LMNTD2: variants seen among roughly 807,000 people sequenced by gnomAD.
The protein encoded by LMNTD2 is lamin tail domain containing 2.
In LMNTD2, 83 loss-of-function variants were observed where a neutral mutation model predicts 70.1. The observed-to-expected ratio is 1.18, with a 90% CI of 0.99 to 1.42. The LOEUF is 1.42. LMNTD2 is among the 40% of genes most tolerant of loss of function. LMNTD2 has a pLI of 0.00. For synonymous variants in LMNTD2, 534 were observed against 406.1 expected (o/e 1.31, Z -3.79); for missense variants, 1,153 against 905.9 (o/e 1.27, Z -3.50).
In LMNTD2 at chr11:556,228, C is replaced by T. The variant is rs1471758370; in HGVS notation, c.1221G>A (p.Pro407=). 2.7e-6 allele frequency: 4 copies of T among 1,496,374 alleles called. No homozygotes were observed. Among genetic ancestry groups the T allele is most frequent in the African/African-American group, 2.9e-5 (2 of 69,420 alleles). The allele number at this position is 1,496,374 out of a possible 1,614,324, so 92.7% of individuals were successfully genotyped here. A position where few individuals can be genotyped will look rare whatever the true frequency, so the allele number is the denominator to read the frequency against. ...RGFPERLYRF[P]PGTLLAPRHH... is the part of the protein sequence containing the mutation. ...GCCGCGGGGCCAGCAGCGTGCCCGGCGGGAAGCGGTACAGGCGCTCCGGGA... is the reference window on the plus strand; with the variant it reads ...GCCGCGGGGCCAGCAGCGTGCCCGGTGGGAAGCGGTACAGGCGCTCCGGGA... The change falls in exon 10 of 14, where the codon CCG becomes CCA. Residue 407 remains proline (P), a synonymous_variant. Transcript: ENST00000329451.
intron 1 of LMNTD2, 64 bp from the exon 2 acceptor site, chr11:559,043 T>G: frequency 6.3e-7 from 1 of 1,575,460 alleles, no homozygotes; most frequent in Non-Finnish European, 8.6e-7. Flanking sequence ...TTGGGGGCCA[T>G]TCTCAATGTT....
rs1409684093 is a variant in LMNTD2 at position 555,228 on chromosome 11, G to C, written c.1773+77C>G. 9.9e-6 allele frequency: 11 copies of C among 1,111,988 alleles called. 1 individual carries two copies. In the Admixed American group the frequency reaches 1.7e-4, roughly 17 times the overall value. The allele number at this position is 1,111,988 out of a possible 1,614,324, so 68.9% of individuals were successfully genotyped here. A position where few individuals can be genotyped will look rare whatever the true frequency, so the allele number is the denominator to read the frequency against. On this transcript the variant is annotated intron_variant, in intron 13 of 13. Coordinates refer to ENST00000329451, the MANE Select transcript of LMNTD2 (RefSeq NM_173573.3). Reference sequence around the variant, plus strand: ...GGAGGGGAGGGGACGAGGAGACAGAGGGGAGGGAGGGGCGGGAGAGGAGAG... The same window carrying C: ...GGAGGGGAGGGGACGAGGAGACAGACGGGAGGGAGGGGCGGGAGAGGAGAG...
chr11:559,805 G>C, intron 1 of LMNTD2: 1 of 1,011,630 alleles, frequency 9.9e-7, no homozygotes, highest in Non-Finnish European at 1.2e-6. Flanking sequence ...CGCTGTCCAG[G>C]CTGGAATGCT....
Position 555,458 on chromosome 11 carries a change from G to A in LMNTD2, c.1620C>T (p.His540=). The part of the protein sequence containing the change: ...LPPVSSGKLF[H]AREGPARPEN... ...CGGGCCGCGCAGGCCCCTCCCGCGC[G>A]TGGAAGAGCTTCCCCGAGCTCACTG... is the stretch of plus-strand genomic sequence containing the variant. The change falls in exon 13 of 14, where the codon CAC becomes CAT. Residue 540 remains histidine, a synonymous_variant. Transcript: ENST00000329451. 7.2e-7 allele frequency: 1 copy of A among 1,379,396 alleles called. No homozygotes were observed. Among genetic ancestry groups the A allele is most frequent in the Non-Finnish European group, 9.3e-7 (1 of 1,072,516 alleles). 85.4% of individuals were successfully genotyped at this position (1,379,396 alleles called of 1,614,324 possible).
rs1589828889 is a variant in LMNTD2 at position 556,440 on chromosome 11, C to G, written c.1073+52G>C. The G allele has an allele frequency of 1.9e-6, 3 of 1,547,222 alleles. No homozygotes were observed. In the South Asian group the frequency reaches 3.6e-5, roughly 18 times the overall value. The stretch of plus-strand genomic sequence containing the variant: ...CCACCCGCACAGCTGCGCGCCCCGC[C>G]CGGAAACCAGCTCCAGTCCGGCGCC... On this transcript the variant is annotated intron_variant, in intron 9 of 13. Transcript: ENST00000329451.
chr11:558,411 G>T, intron 3 of LMNTD2, 163 bp from the exon 4 acceptor site: 2 of 1,071,708 alleles, frequency 1.9e-6, no homozygotes, highest in Admixed American at 5.6e-5. Flanking sequence ...GGCTGGTCTG[G>T]ACAAGGGTCT....
rs1465654548 is a variant in LMNTD2 at position 556,199 on chromosome 11, T to G, written c.1250A>C (p.His417Pro). 2.8e-6 allele frequency: 4 copies of G among 1,422,432 alleles called. No homozygotes were observed. The highest frequency in any genetic ancestry group is 2.7e-6 in the Non-Finnish European group (3 of 1,094,898). The allele number at this position is 1,422,432 out of a possible 1,614,324, so 88.1% of individuals were successfully genotyped here. A position where few individuals can be genotyped will look rare whatever the true frequency, so the allele number is the denominator to read the frequency against. The change falls in exon 10 of 14, where the codon CAC becomes CCC. Residue 417 changes from histidine (H) to proline (P), a missense_variant. Coordinates refer to ENST00000329451, the MANE Select transcript of LMNTD2 (RefSeq NM_173573.3). ...PPGTLLAPRH[H>P]VTVWGEATRS... ...TCCCGGGCCGGGGCGCACCGTGACG[T>G]GGTGCCGCGGGGCCAGCAGCGTGCC...
intron 3 of LMNTD2, 155 bp downstream of exon 3, chr11:558,457 CTA>C: frequency 9.0e-7 from 1 of 1,105,790 alleles, no homozygotes; most frequent in Non-Finnish European, 1.3e-6. Context: ...AGGGTGGAGG[CTA>C]TAGCGTGTTA....
At position 556,005 on chromosome 11, in the gene LMNTD2, G is replaced by C; in HGVS notation, c.1368C>G (p.Pro456=). The C allele has an allele frequency of 6.4e-7, 1 of 1,559,058 alleles. No homozygotes were observed. Among genetic ancestry groups the C allele is most frequent in the African/African-American group, 1.4e-5 (1 of 70,772 alleles). The stretch of plus-strand genomic sequence containing the variant: ...GGGGACCCGCACCGACCTCGCCCTT[G>C]GGGCTCAGGAGCAGCGTCGCGCAGC... ...IRGCATLLLS[P]KGEVLSEHRI... Residue 456 remains proline (P), a synonymous_variant, in exon 11 of 14, where the codon CCC becomes CCG. Coordinates refer to ENST00000329451, the MANE Select transcript of LMNTD2 (RefSeq NM_173573.3).
intron 1 of LMNTD2, chr11:559,360 T>G: frequency 7.5e-7 from 1 of 1,340,322 alleles, no homozygotes; most frequent in Non-Finnish European, 9.9e-7. Context: ...AGGCCCGACC[T>G]CCAAGCAGGC....
rs1852694439 is a variant in LMNTD2, at chr11:555,012, G to C, written c.1873C>G (p.Pro625Ala). 1 of 1,591,514 alleles carries C rather than the reference G, an allele frequency of 6.3e-7. No homozygotes were observed. The highest frequency in any genetic ancestry group is 8.5e-7 in the Non-Finnish European group (1 of 1,172,468). The change falls in exon 14 of 14, where the codon CCG (proline) becomes GCG (alanine). Residue 625 changes from proline (P) to alanine (A), a missense_variant. By Grantham distance (27) the Pro-to-Ala change is conservative. Transcript: ENST00000329451. ...RFGFRFLSCL[P>A]VTADTCRGA ...CCGCGGCAGGTGTCCGCGGTGACCG[G>C]CAGGCAGCTGAGGAAGCGGAAGCCG...
chr11:556,315 G>T lies in LMNTD2; in HGVS notation c.1134C>A (p.Asn378Lys). The T allele has an allele frequency of 6.5e-7, 1 of 1,535,768 alleles. No homozygotes were observed. The highest frequency in any genetic ancestry group is 2.4e-5 in the East Asian group (1 of 40,914). The change falls in exon 10 of 14, where the codon AAC becomes AAA. Residue 378 changes from asparagine (N) to lysine (K), a missense_variant. Transcript: ENST00000329451. ...GGTCGGCCGTGCTCTCCTGCGACGG[G>T]TTGAAGATGCGGACGAACTTCTCCC... ...SCREKFVRIF[N>K]PSQESTADLS...
chr11:557,530 G>A (rs764909249), intron 6 of LMNTD2, 42 bp downstream of exon 6: 1 of 1,613,420 alleles, frequency 6.2e-7, no homozygotes, highest in Non-Finnish European at 8.5e-7. Flanking sequence ...CCTCCCGCAG[G>A]GCTCCAGATA....
chr11:555,482 TG>T lies in LMNTD2; in HGVS notation c.1595del (p.Pro532GlnfsTer2). On this transcript the variant is annotated frameshift_variant, in exon 13 of 14. Transcript: ENST00000329451. LOFTEE classifies it high-confidence loss of function. ...CGTGGAAGAGCTTCCCCGAGCTCAC[TG>T]GGGGCAGCAGGCCCCGCGTCCTGGT... ...RRPGTRGLLP[P>X]VSSGKLFHAR... 3 of 1,367,086 alleles carry T rather than the reference TG, an allele frequency of 2.2e-6. No homozygotes were observed. Among genetic ancestry groups the T allele is most frequent in the Admixed American group, 6.9e-5 (2 of 29,056 alleles). The allele number at this position is 1,367,086 out of a possible 1,614,324, so 84.7% of individuals were successfully genotyped here. A position where few individuals can be genotyped will look rare whatever the true frequency, so the allele number is the denominator to read the frequency against.
chr11:559,119 G>C, intron 1 of LMNTD2, 140 bp from the exon 2 acceptor site: 1 of 1,493,100 alleles, frequency 6.7e-7, no homozygotes, highest in Non-Finnish European at 8.9e-7. Context: ...ACACAGGTTG[G>C]AGCAGCCCAG....
At chr11:560,506 G>A in intron 1 of LMNTD2, 177 bp downstream of exon 1, 1 of 1,269,372 alleles carries the variant, frequency 7.9e-7, no homozygotes, top group Non-Finnish European at 1.0e-6. Context: ...CCAGACTACT[G>A]CAGCTGCGGT....
intron 1 of LMNTD2, chr11:559,707 G>C (rs1360039160): frequency 1.7e-6 from 2 of 1,142,868 alleles, no homozygotes; most frequent in Admixed American, 3.8e-5. Context: ...GCTGGGGACT[G>C]TGCTGAACGC....
intron 5 of LMNTD2, 59 bp downstream of exon 5, chr11:557,825 G>T: frequency 6.6e-7 from 1 of 1,514,170 alleles, no homozygotes; most frequent in East Asian, 2.4e-5. Flanking sequence ...GGCACCCGAC[G>T]AGATGGGGAG....
At chr11:559,348 T>A in intron 1 of LMNTD2, 1 of 1,349,624 alleles carries the variant, frequency 7.4e-7, no homozygotes, top group Non-Finnish European at 9.8e-7. Flanking sequence ...AGCACTCACC[T>A]GAGGCCCGAC....
Sources: gnomAD v4.1 joint callset for allele counts on GRCh38, gnomAD v4.1.1 for gene constraint, MANE v1.5 for transcripts, NCBI Gene and HGNC (gene_info 2026-07-23, HGNC 2026-07-21) for gene names.